The following ADAMTS2 variants were observed in gnomAD, a reference collection of about 807,000 sequenced individuals.
ADAMTS2 encodes ADAM metallopeptidase with thrombospondin type 1 motif 2, also known as A disintegrin and metalloproteinase with thrombospondin motifs 2.
In ADAMTS2, 50 loss-of-function variants were observed where a neutral mutation model predicts 123.0. The ratio of observed to expected loss-of-function variants is 0.41; its 90% CI spans 0.32 to 0.51. ADAMTS2 has a LOEUF of 0.51. Among genes scored for constraint, ADAMTS2 ranks in the 20% least tolerant of loss-of-function variants. The pLI, the probability that ADAMTS2 is intolerant of heterozygous loss-of-function variation, is 0.35. For synonymous variants in ADAMTS2, 678 were observed against 695.4 expected (o/e 0.98, Z 0.39); for missense variants, 1,494 against 1,705.2 (o/e 0.88, Z 2.18).
At position 179,235,089 on chromosome 5, in the gene ADAMTS2, T is replaced by C. The variant is rs557718970; in HGVS notation, c.689-27374A>G. On this transcript the variant is annotated intron_variant, in intron 3 of 21. Transcript: ENST00000251582. ...TCCTATTCAGTCTTCAAAACCCAGC[T>C]CCCAGCTCGTTAGGCCCGCAAAGAG... Among the ~76,000 whole-genome samples, 3 of 152,280 alleles carry C rather than the reference T, an allele frequency of 2.0e-5. No homozygotes were observed. The East Asian group carries it at 5.8e-4, about 29-fold the overall frequency.
intron 3 of ADAMTS2, among the ~76,000 whole-genome samples, chr5:179,232,041 TTC>T (rs1290461306): frequency 5.9e-5 from 9 of 152,210 alleles, no homozygotes; most frequent in African/African-American, 1.9e-4. Flanking sequence ...TGCCTCCGCA[TTC>T]TGTCTTTTAA....
intron 4 of ADAMTS2, among the ~76,000 whole-genome samples, chr5:179,193,072 C>A (rs1764343218): frequency 6.6e-6 from 1 of 152,138 alleles, no homozygotes; most frequent in Non-Finnish European, 1.5e-5. Flanking sequence ...TGGGAGACAC[C>A]AACTCTGTGA....
At chr5:179,149,703 A>G (rs1763316405) in intron 10 of ADAMTS2, among the ~76,000 whole-genome samples, 1 of 152,198 alleles carries the variant, frequency 6.6e-6, no homozygotes, top group East Asian at 1.9e-4. Flanking sequence ...GATGCACAGG[A>G]CAGGGAAACA....
In ADAMTS2 at chr5:179,308,154, C is replaced by T. The variant is rs1219252604; in HGVS notation, c.535-35090G>A. Among the ~76,000 whole-genome samples the T allele has an allele frequency of 6.6e-6, 1 of 152,192 alleles. No homozygotes were observed. Among genetic ancestry groups the T allele is most frequent in the African/African-American group, 2.4e-5 (1 of 41,432 alleles). ...TTCTGGAGCGACAACAAGGAGAAAA[C>T]AGGGGTTTAAGTGGAGGATCCGGTG... On this transcript the variant is annotated intron_variant, in intron 2 of 21. Coordinates refer to ENST00000251582, the MANE Select transcript of ADAMTS2 (RefSeq NM_014244.5). The surrounding 1 kb of genome is among the most constrained non-coding windows in gnomAD (Gnocchi z 6.6).
At chr5:179,232,671 C>CCT (rs1258301650) in intron 3 of ADAMTS2, among the ~76,000 whole-genome samples, 2 of 152,176 alleles carry the variant, frequency 1.3e-5, no homozygotes, top group Non-Finnish European at 2.9e-5. Context: ...GCCACTCAGA[C>CCT]GATTCCCACG....
At chr5:179,204,187 G>A (rs181310155) in intron 4 of ADAMTS2, among the ~76,000 whole-genome samples, 6 of 152,206 alleles carry the variant, frequency 3.9e-5, no homozygotes, top group Middle Eastern at 3.4e-3. Context: ...GCCAGGAGTC[G>A]GGGGGAGGGG....
chr5:179,194,370 T>C (rs1343828228), intron 4 of ADAMTS2, among the ~76,000 whole-genome samples: 1 of 152,066 alleles, frequency 6.6e-6, no homozygotes, highest in African/African-American at 2.4e-5. Flanking sequence ...CACCACGACA[T>C]CCCCAGCACC....
At chr5:179,210,866 G>A (rs1764834425) in intron 3 of ADAMTS2, among the ~76,000 whole-genome samples, 1 of 152,224 alleles carries the variant, frequency 6.6e-6, no homozygotes, top group African/African-American at 2.4e-5. Flanking sequence ...GATTGACCCT[G>A]ACCCTGTCAA....
At chr5:179,334,783 T>C (rs1465878291) in intron 2 of ADAMTS2, among the ~76,000 whole-genome samples, 2 of 152,336 alleles carry the variant, frequency 1.3e-5, no homozygotes, top group Non-Finnish European at 2.9e-5. Flanking sequence ...ATCAGTAGCC[T>C]TCCTGTGTAC....
intron 10 of ADAMTS2, among the ~76,000 whole-genome samples, chr5:179,151,629 A>C (rs1262222507): frequency 1.3e-5 from 2 of 152,144 alleles, no homozygotes; most frequent in African/African-American, 4.8e-5. Flanking sequence ...TCAGGTCTGG[A>C]GTTCTGGGAG....
intron 4 of ADAMTS2, among the ~76,000 whole-genome samples, chr5:179,198,844 A>G (rs1764492071): frequency 6.6e-6 from 1 of 151,636 alleles, no homozygotes; most frequent in African/African-American, 2.4e-5. Flanking sequence ...AAGGAAAAAA[A>G]AAAAAAAACA....
chr5:179,114,181 G>T lies in ADAMTS2; in HGVS notation c.3322C>A (p.Pro1108Thr). 6.2e-7 allele frequency: 1 copy of T among 1,612,116 alleles called. No homozygotes were observed. Among genetic ancestry groups the T allele is most frequent in the Non-Finnish European group, 8.5e-7 (1 of 1,178,402 alleles). ...NLTNVEGRIEPPPGKHNDIDV... is the reference protein window; with the variant it reads ...NLTNVEGRIETPPGKHNDIDV... ...ATGTCGTTGTGCTTCCCAGGCGGTGGCTCTATCCTGCCCTCCACGTTGGTG... is the reference window on the plus strand; with the variant it reads ...ATGTCGTTGTGCTTCCCAGGCGGTGTCTCTATCCTGCCCTCCACGTTGGTG... Residue 1108 changes from proline (P) to threonine (T), a missense_variant, in exon 22 of 22, where the codon CCA (proline) becomes ACA (threonine). Pro to Thr is a conservative substitution (Grantham distance 38). Coordinates refer to ENST00000251582, the MANE Select transcript of ADAMTS2 (RefSeq NM_014244.5).
At chr5:179,136,597 C>T (rs550576586) in intron 12 of ADAMTS2, among the ~76,000 whole-genome samples, 1 of 144,854 alleles carries the variant, frequency 6.9e-6, no homozygotes, top group South Asian at 2.2e-4. Flanking sequence ...CCCAGGAGGC[C>T]GAGCTTGCAG....
At position 179,197,141 on chromosome 5, in the gene ADAMTS2, G is replaced by A. The variant is rs57139783; in HGVS notation, c.891+10372C>T. Among the ~76,000 whole-genome samples the A allele has an allele frequency of 0.017, 2,543 of 152,344 alleles. 86 individuals carry two copies. Among genetic ancestry groups the A allele is most frequent in the African/African-American group, 0.057 (2,376 of 41,582 alleles). ...TGGCCTCTGGCAGGCCTGAGAGTAC[G>A]TGTTCCTGGTAGCAATAGGTTGAGC... is the stretch of plus-strand genomic sequence containing the variant. On this transcript the variant is annotated intron_variant, in intron 4 of 21. Coordinates refer to ENST00000251582, the MANE Select transcript of ADAMTS2 (RefSeq NM_014244.5). This position sits in a 1 kb window ranked among gnomAD's most constrained non-coding sequence, Gnocchi z 4.2.
Position 179,170,668 on chromosome 5 carries a change from C to T in ADAMTS2, c.975+10404G>A, listed in dbSNP as rs1033598151. On this transcript the variant is annotated intron_variant, in intron 5 of 21. Coordinates refer to ENST00000251582, the MANE Select transcript of ADAMTS2 (RefSeq NM_014244.5). This position sits in a 1 kb window ranked among gnomAD's most constrained non-coding sequence, Gnocchi z 4.3. ...CCCCAGATCTTGGCTGGGAAGTCCC[C>T]ATCCTGGCTGCTCCATCCATGGTCC... Among the ~76,000 whole-genome samples, 1 of 152,178 alleles carries T rather than the reference C, an allele frequency of 6.6e-6. No individual in the cohort carries two copies.
At chr5:179,227,114 T>C (rs1342781673) in intron 3 of ADAMTS2, among the ~76,000 whole-genome samples, 2 of 77,268 alleles carry the variant, frequency 2.6e-5, no homozygotes, top group East Asian at 7.8e-3. Flanking sequence ...TATATATGTG[T>C]GTGTACACAT....
chr5:179,327,064 T>G (rs1561751130), intron 2 of ADAMTS2, among the ~76,000 whole-genome samples: 1 of 152,170 alleles, frequency 6.6e-6, no homozygotes, highest in Non-Finnish European at 1.5e-5. Flanking sequence ...GAGGGTTCCA[T>G]CCTTGCTCAG....
intron 3 of ADAMTS2, among the ~76,000 whole-genome samples, chr5:179,219,386 AAC>A: frequency 6.6e-6 from 1 of 152,274 alleles, no homozygotes; most frequent in Non-Finnish European, 1.5e-5. Context: ...TGCCCTTACA[AAC>A]ACAGACACAG....
chr5:179,145,730 A>G (rs1052646834), intron 10 of ADAMTS2, among the ~76,000 whole-genome samples: 2 of 152,202 alleles, frequency 1.3e-5, no homozygotes, highest in African/African-American at 4.8e-5. Flanking sequence ...GGATGGATTG[A>G]GGTGACTACT....
Sources: allele counts gnomAD v4.1 joint callset (sites outside exome capture counted in the v4.1 genomes callset), GRCh38; gene constraint gnomAD v4.1.1; non-coding constraint Gnocchi (gnomAD v3.1); transcripts MANE v1.5; gene names NCBI Gene and HGNC (gene_info 2026-07-23, HGNC 2026-07-21).